Variants in POLM observed in about 807,000 individuals in gnomAD.
POLM encodes DNA polymerase mu, also known as DNA-directed DNA/RNA polymerase mu.
In POLM, 52 loss-of-function variants were observed where a neutral mutation model predicts 56.7. The observed-to-expected ratio is 0.92, with a 90% CI of 0.73 to 1.15. POLM has a LOEUF of 1.15. POLM is among the 50% of genes most tolerant of loss of function. The probability of loss-of-function intolerance (pLI) is 0.00; values close to 1 mark genes in which losing one functional copy is unlikely to be tolerated. For synonymous variants in POLM, 273 were observed against 274.3 expected, an observed-to-expected ratio of 1.00 and a Z score of 0.05; for missense variants, 660 against 663.6, an observed-to-expected ratio of 0.99 and a Z score of 0.06.
At chr7:44,079,010 C>A (rs1040844279) in intron 4 of POLM, among the ~76,000 whole-genome samples, 199 bp from the exon 5 acceptor site, 2 of 152,170 alleles carry the variant, frequency 1.3e-5, no homozygotes, top group African/African-American at 4.8e-5. Context: ...AAGTTGCTGC[C>A]ACACAGCTGG....
chr7:44,076,490 G>A lies in POLM; in HGVS notation c.835+19C>T. The stretch of plus-strand genomic sequence containing the variant: ...GCAGTTTAGGGAAGCCCAGGGCCCA[G>A]CCTCTCTGGAGGGCTCACCCGCTTT... On this transcript the variant is annotated intron_variant, in intron 6 of 10. Coordinates refer to ENST00000242248, the MANE Select transcript of POLM (RefSeq NM_013284.4). The A allele has an allele frequency of 2.0e-5, 33 of 1,613,706 alleles. No homozygotes were observed. The highest frequency in any genetic ancestry group is 2.8e-5 in the Non-Finnish European group (33 of 1,179,838).
rs779790333 is a variant in POLM, at chr7:44,073,963, T to A, written c.1134A>T (p.Gln378His). 6.2e-7 allele frequency: 1 copy of A among 1,614,186 alleles called. No homozygotes were observed. The highest frequency in any genetic ancestry group is 8.5e-7 in the Non-Finnish European group (1 of 1,180,014). The change falls in exon 9 of 11, where the codon CAA becomes CAT. Residue 378 changes from glutamine to histidine, a missense_variant. Gln to His is a conservative substitution (Grantham distance 24). Transcript: ENST00000242248. ...TCTCAAAAGCGTCCATGTGGCTCTG[T>A]TGGGCCAGGCGGGTAGGGGACTCAC... ...SCCESPTRLA[Q>H]QSHMDAFERS...
chr7:44,079,528 T>TACC, intron 4 of POLM, 43 bp downstream of exon 4: 2 of 1,506,356 alleles, frequency 1.3e-6, no homozygotes. Context: ...CCCCAAGGCC[T>TACC]CCCCACCCAC....
rs2096191206 is a variant in POLM, at chr7:44,078,830, C to T, written c.643-19G>A. The T allele has an allele frequency of 6.2e-7, 1 of 1,609,010 alleles. No individual in the cohort carries two copies. The highest frequency in any genetic ancestry group is 1.7e-5 in the Admixed American group (1 of 59,828). ...GCAGCTCCTGGGGGAGGGAACAAAG[C>T]AGAACTCTAAGCCTGAGGGCGTGGG... On this transcript the variant is annotated intron_variant, in intron 4 of 10. Transcript: ENST00000242248.
chr7:44,074,790 G>A (rs942687307), intron 6 of POLM, among the ~76,000 whole-genome samples: 3 of 152,208 alleles, frequency 2.0e-5, no homozygotes, highest in African/African-American at 7.2e-5. Flanking sequence ...ATAGCACAGA[G>A]GGAGATCCCA....
At chr7:44,078,579 A>G (rs2096190136) in intron 5 of POLM, 161 bp downstream of exon 5, 5 of 622,122 alleles carry the variant, frequency 8.0e-6, no homozygotes, top group Admixed American at 2.7e-5. Flanking sequence ...TGCCTTGTGC[A>G]TATCAGGTAT....
chr7:44,078,170 AAAAACAGT>A (rs1352355605), intron 5 of POLM, among the ~76,000 whole-genome samples: 2 of 152,242 alleles, frequency 1.3e-5, no homozygotes, highest in Admixed American at 6.5e-5. Context: ...ATATTCCATC[AAAAACAGT>A]CAAGGCAGAG....
chr7:44,076,043 T>G (rs1319977813), intron 6 of POLM: 1 of 155,602 alleles, frequency 6.4e-6, no homozygotes, highest in African/African-American at 2.4e-5. Flanking sequence ...CCAGCCTTCC[T>G]TCTCCATTTT....
In POLM at chr7:44,082,273, A is replaced by G; in HGVS notation, c.166T>C (p.Phe56Leu). ...CACCTGCAGGCGTCAAGGACGCGGA[A>G]GCCTTTGGAGCGCGCCAGGCCTGTG... ...FLTGLARSKG[F>L]RVLDACSSEA... The change falls in exon 1 of 11, where the codon TTC becomes CTC. Residue 56 changes from phenylalanine to leucine, a missense_variant. Transcript: ENST00000242248. 1 of 1,515,558 alleles carries G rather than the reference A, an allele frequency of 6.6e-7. No homozygotes were observed. The highest frequency in any genetic ancestry group is 8.8e-7 in the Non-Finnish European group (1 of 1,139,576). The allele number at this position is 1,515,558 out of a possible 1,614,324, so 93.9% of individuals were successfully genotyped here.
In POLM at chr7:44,080,801, T is replaced by G. The variant is rs1306360139; in HGVS notation, c.304A>C (p.Ile102Leu). The G allele has an allele frequency of 6.2e-7, 1 of 1,613,992 alleles. No homozygotes were observed. Among genetic ancestry groups the G allele is most frequent in the Admixed American group, 1.7e-5 (1 of 60,002 alleles). Reference sequence around the variant, plus strand: ...CCCAGGCTCTCTGTTAACCAGCTTATGTCCAGCAGAGCTGGGGGGGTGCAA... The same window carrying G: ...CCCAGGCTCTCTGTTAACCAGCTTAGGTCCAGCAGAGCTGGGGGGGTGCAA... ...PGCTPPALLD[I>L]SWLTESLGAG... Residue 102 changes from isoleucine to leucine, a missense_variant, in exon 2 of 11, where the codon ATA becomes CTA. Ile to Leu is a conservative substitution (Grantham distance 5). Transcript: ENST00000242248.
At position 44,073,303 on chromosome 7, in the gene POLM, C is replaced by T; in HGVS notation, c.1473G>A (p.Gln491=). 6.2e-7 allele frequency: 1 copy of T among 1,614,218 alleles called. No homozygotes were observed. The change falls in exon 11 of 11, where the codon CAG becomes CAA. Residue 491 remains glutamine, a synonymous_variant. Coordinates refer to ENST00000242248, the MANE Select transcript of POLM (RefSeq NM_013284.4). ...HLGLEYLPPE[Q]RNA The stretch of plus-strand genomic sequence containing the variant: ...GACACAGGCAGGCTCAGGCGTTTCT[C>T]TGCTCTGGAGGAAGGTACTCAAGGC...
At chr7:44,081,648 A>AGGAC (rs368576821) in intron 1 of POLM, among the ~76,000 whole-genome samples, 70 of 151,782 alleles carry the variant, frequency 4.6e-4, no homozygotes, top group African/African-American at 1.6e-3. Context: ...CTCAGGCCTG[A>AGGAC]GGACAGAGGA....
chr7:44,073,591 T>C lies in POLM; in HGVS notation c.1398+34A>G. 1.9e-6 allele frequency: 3 copies of C among 1,609,890 alleles called. No individual in the cohort carries two copies. In the South Asian group the frequency reaches 3.3e-5, roughly 18 times the overall value. Reference sequence around the variant, plus strand: ...TGTGGGTCAGGGAGCGGACTATGGGTGCTGTTTGCTGTCCCCAGTCCCCAA... The same window carrying C: ...TGTGGGTCAGGGAGCGGACTATGGGCGCTGTTTGCTGTCCCCAGTCCCCAA... On this transcript the variant is annotated intron_variant, in intron 10 of 10. Coordinates refer to ENST00000242248, the MANE Select transcript of POLM (RefSeq NM_013284.4).
intron 7 of POLM, 71 bp from the exon 8 acceptor site, chr7:44,074,304 C>T: frequency 1.9e-6 from 3 of 1,543,784 alleles, no homozygotes; most frequent in Non-Finnish European, 2.6e-6. Flanking sequence ...ACATCCCTTC[C>T]AACGAGTGGG....
chr7:44,077,246 G>C (rs947759109), intron 5 of POLM, among the ~76,000 whole-genome samples: 1 of 152,242 alleles, frequency 6.6e-6, no homozygotes, highest in Non-Finnish European at 1.5e-5. Context: ...ACCTTTTGTG[G>C]CCACATTTCC....
At chr7:44,076,769 C>T (rs1249823435) in intron 5 of POLM, 140 bp from the exon 6 acceptor site, 1 of 1,066,718 alleles carries the variant, frequency 9.4e-7, no homozygotes, top group Non-Finnish European at 1.3e-6. Flanking sequence ...CCGTAGACCA[C>T]AGGGCAAGGA....
At chr7:44,082,207 C>T (rs1017478875) in intron 1 of POLM, 44 bp downstream of exon 1, 51 of 1,402,416 alleles carry the variant, frequency 3.6e-5, no homozygotes, top group Non-Finnish European at 4.5e-5. Flanking sequence ...AATCCAAAAC[C>T]AGAAGTGCCA....
At position 44,079,649 on chromosome 7, in the gene POLM, G is replaced by A. The variant is rs2096193830; in HGVS notation, c.564C>T (p.Ala188=). Residue 188 remains alanine (A), a synonymous_variant, in exon 4 of 11, where the codon GCC becomes GCT. Coordinates refer to ENST00000242248, the MANE Select transcript of POLM (RefSeq NM_013284.4). ...TFCRAASVLK[A]LPSPVTTLSQ... ...TCAGGGTTGTGACAGGGCTGGGAAG[G>A]GCCTTGAGCACCGAGGCTGCTCTGC... 6.2e-7 allele frequency: 1 copy of A among 1,613,818 alleles called. No individual in the cohort carries two copies. The highest frequency in any genetic ancestry group is 1.3e-5 in the African/African-American group (1 of 75,046).
chr7:44,073,636 C>A lies in POLM; in HGVS notation c.1387G>T (p.Asp463Tyr). The change falls in exon 10 of 11, where the codon GAC (aspartate) becomes TAC (tyrosine). Residue 463 changes from aspartate (D) to tyrosine (Y), a missense_variant. Coordinates refer to ENST00000242248, the MANE Select transcript of POLM (RefSeq NM_013284.4). ...CCCCAACAATGTACCTGCTCCGGGT[C>A]AAACAGCCCATGGCTGTTCAGCCAC... ...GLWLNSHGLF[D>Y]PEQKTFFQAA... 6.2e-7 allele frequency: 1 copy of A among 1,614,012 alleles called. No individual in the cohort carries two copies. The highest frequency in any genetic ancestry group is 1.1e-5 in the South Asian group (1 of 91,018).
Sources: allele counts gnomAD v4.1 joint callset (sites outside exome capture counted in the v4.1 genomes callset), GRCh38; gene constraint gnomAD v4.1.1; transcripts MANE v1.5; gene names NCBI Gene and HGNC (gene_info 2026-07-23, HGNC 2026-07-21).